The following ZNF175 variants were observed in gnomAD, a reference collection of about 807,000 sequenced individuals.
ZNF175 encodes zinc finger protein 175.
Under a neutral mutation model 14.0 loss-of-function variants are expected in ZNF175, and 8 were observed. That is an observed-to-expected ratio of 0.57 (90% CI 0.34 to 1.03). The LOEUF is 1.03. Among genes scored for constraint, ZNF175 ranks in the 50% least tolerant of loss-of-function variants. The pLI is 0.03. For synonymous variants in ZNF175, 255 were observed against 296.8 expected (o/e 0.86, Z 1.45); for missense variants, 764 against 849.5 (o/e 0.90, Z 1.25).
At chr19:51,573,055 C>A in intron 1 of ZNF175, 95 bp from the exon 2 acceptor site, 1 of 424,462 alleles carries the variant, frequency 2.4e-6, no homozygotes, top group Non-Finnish European at 4.1e-6. Flanking sequence ...TTGTCTACTC[C>A]AATGTCTGAC....
intron 2 of ZNF175, chr19:51,573,682 C>T: frequency 2.2e-6 from 1 of 463,846 alleles, no homozygotes; most frequent in Non-Finnish European, 3.7e-6. Flanking sequence ...AAAGCTGACT[C>T]TTTCCTGCTA....
At position 51,587,067 on chromosome 19, in the gene ZNF175, C is replaced by G. The variant is rs914028178; in HGVS notation, c.736C>G (p.His246Asp). ...SSSDACSKNI[H>D]TGETFCKGNQ... ...TTCTGATGCCTGCAGCAAGAATATT[C>G]ATACAGGAGAGACATTTTGCAAAGG... The change falls in exon 5 of 5, where the codon CAT (histidine) becomes GAT (aspartate). Residue 246 changes from histidine to aspartate, a missense_variant. His to Asp is a moderately conservative substitution (Grantham distance 81). Transcript: ENST00000262259. 4 of 1,614,160 alleles carry G rather than the reference C, an allele frequency of 2.5e-6. No individual in the cohort carries two copies. The highest frequency in any genetic ancestry group is 2.2e-5 in the East Asian group (1 of 44,892).
At position 51,586,627 on chromosome 19, in the gene ZNF175, A is replaced by C; in HGVS notation, c.296A>C (p.Glu99Ala). ...TTTCATCTTCTCTTTCTCCTTTTAG[A>C]AAGGGAGTTTGGGCTTGAAATCCCA... is the stretch of plus-strand genomic sequence containing the variant. The part of the protein sequence containing the change: ...EAEVSHQRCQ[E>A]REFGLEIPQK... The change falls in exon 5 of 5, where the codon GAA becomes GCA. Residue 99 changes from glutamate (E) to alanine (A), a missense_variant and splice_region_variant. Physicochemically the swap from Glu to Ala is moderately radical, Grantham distance 107. Transcript: ENST00000262259. 1 of 1,579,498 alleles carries C rather than the reference A, an allele frequency of 6.3e-7. No homozygotes were observed. The highest frequency in any genetic ancestry group is 8.6e-7 in the Non-Finnish European group (1 of 1,165,608).
chr19:51,588,375 A>G lies in ZNF175; in HGVS notation c.2044A>G (p.Asn682Asp). The stretch of plus-strand genomic sequence containing the variant: ...TTCTGAATGTGGAAAGGCCTTCAAC[A>G]ACAGGTCAAACTTCAATAAACACCA... ...VCSECGKAFNNRSNFNKHQTT... is the reference protein window; with the variant it reads ...VCSECGKAFNDRSNFNKHQTT... Residue 682 changes from asparagine (N) to aspartate (D), a missense_variant, in exon 5 of 5, where the codon AAC becomes GAC. Coordinates refer to ENST00000262259, the MANE Select transcript of ZNF175 (RefSeq NM_007147.4). 6.2e-7 allele frequency: 1 copy of G among 1,613,022 alleles called. No homozygotes were observed. Among genetic ancestry groups the G allele is most frequent in the Non-Finnish European group, 8.5e-7 (1 of 1,179,718 alleles).
chr19:51,573,333 C>A lies in ZNF175; in HGVS notation c.4C>A (p.Pro2Thr), dbSNP rs758667265. The A allele has an allele frequency of 3.7e-6, 6 of 1,612,514 alleles. No homozygotes were observed. In the African/African-American group the frequency reaches 4.0e-5, roughly 11 times the overall value. M[P>T]ADVNLSQKPQ... is the part of the protein sequence containing the mutation. ...AGAGTAGAAGCCCAGAGTGGAGATG[C>A]CTGCTGATGTGAATTTATCCCAGAA... Residue 2 changes from proline to threonine, a missense_variant, in exon 2 of 5, where the codon CCT becomes ACT. Transcript: ENST00000262259.
chr19:51,581,925 G>C, intron 4 of ZNF175, 43 bp downstream of exon 4: 1 of 1,562,124 alleles, frequency 6.4e-7, no homozygotes, highest in African/African-American at 1.3e-5. Context: ...TCTTTGCAGG[G>C]AACCATTACC....
At position 51,589,641 on chromosome 19, in the gene ZNF175, C is replaced by A; in HGVS notation, c.*1174C>A. Reference sequence around the variant, plus strand: ...ACCATTAGTCTCGTTCATATTTTTACACCAGGAGTCAACAAACTGTGGCCA... The same window carrying A: ...ACCATTAGTCTCGTTCATATTTTTAAACCAGGAGTCAACAAACTGTGGCCA... On this transcript the variant is annotated 3_prime_UTR_variant, in exon 5 of 5. Transcript: ENST00000262259. The A allele has an allele frequency of 1.4e-6, 1 of 692,232 alleles. No homozygotes were observed. The highest frequency in any genetic ancestry group is 2.7e-5 in the East Asian group (1 of 37,222). The allele number at this position is 692,232 out of a possible 1,614,324, so 42.9% of individuals were successfully genotyped here. A position where few individuals can be genotyped will look rare whatever the true frequency, so the allele number is the denominator to read the frequency against.
rs1414621367 is a variant in ZNF175 at position 51,592,487 on chromosome 19, A to G, written c.*4020A>G. ...AACATGGAATTTCATTAAATCTGAA[A>G]TAAAGGTATTTTGAGAAATTGAATT... On this transcript the variant is annotated 3_prime_UTR_variant, in exon 5 of 5. Coordinates refer to ENST00000262259, the MANE Select transcript of ZNF175 (RefSeq NM_007147.4). The G allele has an allele frequency of 7.2e-6, 4 of 558,624 alleles. No homozygotes were observed. Among genetic ancestry groups the G allele is most frequent in the Non-Finnish European group, 1.3e-5 (4 of 318,944 alleles). 34.6% of individuals were successfully genotyped at this position (558,624 alleles called of 1,614,324 possible).
Position 51,589,911 on chromosome 19 carries a change from A to C in ZNF175, c.*1444A>C. 2.6e-6 allele frequency: 1 copy of C among 385,026 alleles called. No homozygotes were observed. The highest frequency in any genetic ancestry group is 4.7e-6 in the Non-Finnish European group (1 of 212,850). The allele number at this position is 385,026 out of a possible 1,614,324, so 23.9% of individuals were successfully genotyped here. On this transcript the variant is annotated 3_prime_UTR_variant, in exon 5 of 5. Coordinates refer to ENST00000262259, the MANE Select transcript of ZNF175 (RefSeq NM_007147.4). ...CACACACACATACACACATATTACT[A>C]TGTTCATCATCATATACCTGTGTAA...
chr19:51,587,855 T>C lies in ZNF175; in HGVS notation c.1524T>C (p.Cys508=), dbSNP rs768961289. 6.2e-7 allele frequency: 1 copy of C among 1,614,160 alleles called. No homozygotes were observed. The highest frequency in any genetic ancestry group is 8.5e-7 in the Non-Finnish European group (1 of 1,180,022). The change falls in exon 5 of 5, where the codon TGT becomes TGC. Residue 508 remains cysteine (C), a synonymous_variant. Coordinates refer to ENST00000262259, the MANE Select transcript of ZNF175 (RefSeq NM_007147.4). ...AGAAACCTTATGAATGCAGTGACTG[T>C]GGAAAAACCTTCACCCAAAAGTCAC... The part of the protein sequence containing the change: ...TGEKPYECSD[C]GKTFTQKSHL...
intron 4 of ZNF175, among the ~76,000 whole-genome samples, chr19:51,585,480 TAAGAAA>T (rs147367869): frequency 0.12 from 18,658 of 152,014 alleles, 1,336 homozygotes; most frequent in Middle Eastern, 0.16. Context: ...TTTGCTACAA[TAAGAAA>T]AAGTTAACAA....
chr19:51,581,316 T>G (rs953471522), intron 2 of ZNF175, 75 bp from the exon 3 acceptor site: 1 of 1,607,906 alleles, frequency 6.2e-7, no homozygotes, highest in African/African-American at 1.3e-5. Flanking sequence ...ATTAAAAGCA[T>G]GTTCCTCCTA....
Position 51,588,967 on chromosome 19 carries a change from G to A in ZNF175, c.*500G>A, listed in dbSNP as rs75756271. The A allele has an allele frequency of 1.5e-3, 535 of 349,078 alleles. 2 individuals carry two copies. The highest frequency in any genetic ancestry group is 0.01 in the African/African-American group (495 of 47,814). The allele number at this position is 349,078 out of a possible 1,614,324, so 21.6% of individuals were successfully genotyped here. ...TATATAAGCATATTATTATATACAG[G>A]TTGAGTATCCCTTCTCCAAAATGCC... On this transcript the variant is annotated 3_prime_UTR_variant, in exon 5 of 5. Coordinates refer to ENST00000262259, the MANE Select transcript of ZNF175 (RefSeq NM_007147.4).
chr19:51,587,777 A>T lies in ZNF175; in HGVS notation c.1446A>T (p.Lys482Asn). The T allele has an allele frequency of 6.2e-7, 1 of 1,614,216 alleles. No homozygotes were observed. The highest frequency in any genetic ancestry group is 8.5e-7 in the Non-Finnish European group (1 of 1,180,030). Residue 482 changes from lysine to asparagine, a missense_variant, in exon 5 of 5, where the codon AAA (lysine) becomes AAT (asparagine). By Grantham distance (94) the Lys-to-Asn change is moderately conservative (BLOSUM62 0). Transcript: ENST00000262259. ...EKPYQCHNCG[K>N]SFISKSQLDI... The stretch of plus-strand genomic sequence containing the variant: ...CTTATCAGTGCCACAACTGTGGGAA[A>T]TCCTTCATTTCCAAGTCACAGCTTG...
intron 3 of ZNF175, 30 bp from the exon 4 acceptor site, chr19:51,581,757 C>T (rs373701035): frequency 1.2e-6 from 2 of 1,609,882 alleles, no homozygotes; most frequent in Non-Finnish European, 1.7e-6. Context: ...AGAAGCTACA[C>T]CCAAATCCAG....
chr19:51,586,505 C>A, intron 4 of ZNF175, 122 bp from the exon 5 acceptor site: 2 of 918,808 alleles, frequency 2.2e-6, no homozygotes, highest in East Asian at 2.6e-5. Flanking sequence ...TCATTGTCAG[C>A]ATCATTAGCA....
At chr19:51,575,664 G>A (rs1205819209) in intron 2 of ZNF175, among the ~76,000 whole-genome samples, 1 of 152,078 alleles carries the variant, frequency 6.6e-6, no homozygotes, top group Non-Finnish European at 1.5e-5. Context: ...CAAAGTTCCA[G>A]CTCCTCCCAG....
Position 51,588,286 on chromosome 19 carries a change from T to A in ZNF175, c.1955T>A (p.Phe652Tyr), listed in dbSNP as rs1213249972. The part of the protein sequence containing the change: ...PYECLDCGKS[F>Y]SKKPQLKVHQ... ...GAATGCCTTGACTGTGGGAAATCGT[T>A]CAGTAAGAAACCACAACTCAAGGTG... The change falls in exon 5 of 5, where the codon TTC becomes TAC. Residue 652 changes from phenylalanine (F) to tyrosine (Y), a missense_variant. Physicochemically the swap from Phe to Tyr is conservative, Grantham distance 22. Coordinates refer to ENST00000262259, the MANE Select transcript of ZNF175 (RefSeq NM_007147.4). The A allele has an allele frequency of 6.2e-7, 1 of 1,613,920 alleles. No individual in the cohort carries two copies. Among genetic ancestry groups the A allele is most frequent in the Non-Finnish European group, 8.5e-7 (1 of 1,180,004 alleles).
Position 51,588,329 on chromosome 19 carries a change from G to C in ZNF175, c.1998G>C (p.Thr666=), listed in dbSNP as rs779795145. 6.2e-7 allele frequency: 1 copy of C among 1,614,100 alleles called. No individual in the cohort carries two copies. Among genetic ancestry groups the C allele is most frequent in the South Asian group, 1.1e-5 (1 of 91,070 alleles). The change falls in exon 5 of 5, where the codon ACG becomes ACC. Residue 666 remains threonine, a synonymous_variant. Coordinates refer to ENST00000262259, the MANE Select transcript of ZNF175 (RefSeq NM_007147.4). ...PQLKVHQRIH[T]GERPYVCSEC... ...TCAAGGTGCATCAGCGAATTCACAC[G>C]GGAGAAAGACCTTATGTGTGTTCTG...
Sources: allele counts gnomAD v4.1 joint callset (sites outside exome capture counted in the v4.1 genomes callset), GRCh38; gene constraint gnomAD v4.1.1; transcripts MANE v1.5; gene names NCBI Gene and HGNC (gene_info 2026-07-23, HGNC 2026-07-21).